Variants in DDC observed in about 807,000 individuals in gnomAD.
DDC encodes the protein aromatic-L-amino-acid decarboxylase.
A neutral mutation model predicts 60.0 loss-of-function variants in DDC; 43 were observed. The observed-to-expected ratio is 0.72, with a 90% CI of 0.56 to 0.92. The LOEUF is 0.92. Ranked by LOEUF, DDC falls within the 40% of genes least tolerant of loss-of-function variation. DDC has a pLI of 0.00. For missense variants in DDC, 573 were observed against 620.2 expected (o/e 0.92, Z 0.81); for synonymous variants, 232 against 234.6 (o/e 0.99, Z 0.10).
At chr7:50,557,483 T>C (rs567257317) in intron 1 of DDC, among the ~76,000 whole-genome samples, 5 of 152,374 alleles carry the variant, frequency 3.3e-5, no homozygotes, top group Non-Finnish European at 5.9e-5. Context: ...CCGTAGACAA[T>C]TCAAATAGTT....
At position 50,475,450 on chromosome 7, in the gene DDC, C is replaced by G. The variant is rs991183390; in HGVS notation, c.1041+1174G>C. On this transcript the variant is annotated intron_variant, in intron 11 of 14. Transcript: ENST00000444124. ...TGGTCCCAGGCAAACTTTGCCAAAACTGTCCTAGGACCAGCCTTGATGGCT... is the reference window on the plus strand; with the variant it reads ...TGGTCCCAGGCAAACTTTGCCAAAAGTGTCCTAGGACCAGCCTTGATGGCT... Among the ~76,000 whole-genome samples, 60 of 151,964 alleles carry G rather than the reference C, an allele frequency of 3.9e-4. 1 individual carries two copies. Among genetic ancestry groups the G allele is most frequent in the African/African-American group, 1.2e-4 (5 of 41,358 alleles).
chr7:50,459,880 T>G (rs1377230528), intron 14 of DDC, among the ~76,000 whole-genome samples: 5 of 110,950 alleles, frequency 4.5e-5, no homozygotes, highest in South Asian at 3.1e-4. Flanking sequence ...GGGAGGGAGG[T>G]GGGGGGGTCA....
chr7:50,483,957 T>C (rs2042826510), intron 9 of DDC, among the ~76,000 whole-genome samples: 1 of 152,124 alleles, frequency 6.6e-6, no homozygotes, highest in South Asian at 2.1e-4. Context: ...AAAATTTTAC[T>C]ATTGACATGT....
chr7:50,497,777 T>TATTAAGTACTCAACAAGTAATTATTGA (rs1161555763), intron 8 of DDC, among the ~76,000 whole-genome samples: 1 of 152,184 alleles, frequency 6.6e-6, no homozygotes, highest in Admixed American at 6.5e-5. Flanking sequence ...TCCTAGGTTG[T>TATTAAGTACTCAACAAGTAATTATTGA]ATTAAGTACT....
chr7:50,499,368 G>T, intron 7 of DDC, 126 bp from the exon 8 acceptor site: 1 of 714,040 alleles, frequency 1.4e-6, no homozygotes, highest in Non-Finnish European at 2.5e-6. Flanking sequence ...TGAACTAATG[G>T]CTGAATCCCC....
chr7:50,513,157 T>C (rs1316457781), intron 6 of DDC, among the ~76,000 whole-genome samples: 1 of 152,076 alleles, frequency 6.6e-6, no homozygotes, highest in Non-Finnish European at 1.5e-5. Flanking sequence ...GTACTGTGAG[T>C]GCCCCAGCTG....
In DDC at chr7:50,508,285, T is replaced by A. The variant is rs141279480; in HGVS notation, c.715-4226A>T. Among the ~76,000 whole-genome samples the A allele has an allele frequency of 3.3e-3, 501 of 152,344 alleles. 2 individuals carry two copies. The highest frequency in any genetic ancestry group is 0.012 in the South Asian group (56 of 4,832). On this transcript the variant is annotated intron_variant, in intron 6 of 14. Coordinates refer to ENST00000444124, the MANE Select transcript of DDC (RefSeq NM_001082971.2). ...ATTACTCCAGCTCAGCATTGCTCAA[T>A]GACGCTAACCTGATTCCAGGCGCTC...
Position 50,549,434 on chromosome 7 carries a change from C to T in DDC, c.-28-5321G>A, listed in dbSNP as rs1043292607. The stretch of plus-strand genomic sequence containing the variant: ...TTGGGAGGCCAAGGCGGGTGGATCA[C>T]GAGGTCAGGAGATCGAGACCATCCT... On this transcript the variant is annotated intron_variant, in intron 1 of 14. Coordinates refer to ENST00000444124, the MANE Select transcript of DDC (RefSeq NM_001082971.2). 5.9e-5 allele frequency among the ~76,000 whole-genome samples: 9 copies of T among 152,088 alleles called. 1 individual carries two copies. The South Asian group carries it at 1.0e-3, about 18-fold the overall frequency.
chr7:50,521,004 T>C (rs929611880), intron 6 of DDC, among the ~76,000 whole-genome samples: 5 of 151,428 alleles, frequency 3.3e-5, no homozygotes, highest in African/African-American at 9.7e-5. Context: ...ATCAATGAAA[T>C]TGGAAATAGG....
intron 9 of DDC, 143 bp downstream of exon 9, chr7:50,495,207 A>G (rs1025503127): frequency 1.4e-6 from 1 of 709,556 alleles, no homozygotes; most frequent in African/African-American, 1.7e-5. Flanking sequence ...AGAATTAGCA[A>G]TAATTCCATC....
At chr7:50,473,282 C>T (rs2042572634) in intron 11 of DDC, among the ~76,000 whole-genome samples, 1 of 152,082 alleles carries the variant, frequency 6.6e-6, no homozygotes, top group South Asian at 2.1e-4. Flanking sequence ...GCTCTGCACA[C>T]CAGGGCCCTG....
In DDC at chr7:50,490,392, C is replaced by T. The variant is rs115357168; in HGVS notation, c.944+4958G>A. The stretch of plus-strand genomic sequence containing the variant: ...GGCTTTTAAAAAGGTCTAAATCAGC[C>T]GGGCACAGTGGCCCATGCCTGTAAT... On this transcript the variant is annotated intron_variant, in intron 9 of 14. Coordinates refer to ENST00000444124, the MANE Select transcript of DDC (RefSeq NM_001082971.2). Among the ~76,000 whole-genome samples the T allele has an allele frequency of 2.2e-3, 340 of 152,226 alleles. 1 individual carries two copies. Among genetic ancestry groups the T allele is most frequent in the African/African-American group, 7.4e-3 (307 of 41,552 alleles).
At chr7:50,513,925 G>C (rs946728176) in intron 6 of DDC, among the ~76,000 whole-genome samples, 4 of 152,058 alleles carry the variant, frequency 2.6e-5, no homozygotes, top group African/African-American at 4.8e-5. Context: ...ATAATCTTGG[G>C]AGTTGTAGGG....
At chr7:50,549,832 C>T (rs934939765) in intron 1 of DDC, among the ~76,000 whole-genome samples, 25 of 152,022 alleles carry the variant, frequency 1.6e-4, no homozygotes, top group African/African-American at 5.6e-4. Flanking sequence ...TTAAATGGAG[C>T]CTGAAGATAT....
At position 50,528,237 on chromosome 7, in the gene DDC, T is replaced by G. The variant is rs1411043735; in HGVS notation, c.614A>C (p.Lys205Thr). The change falls in exon 6 of 15, where the codon AAA (lysine) becomes ACA (threonine). Residue 205 changes from lysine (K) to threonine (T), a missense_variant. Lys to Thr is a moderately conservative substitution (Grantham distance 78). Transcript: ENST00000444124. ...VERAGLIGGV[K>T]LKAIPSDGNF... Reference sequence around the variant, plus strand: ...GCCATCTGAGGGGATGGCTTTTAATTTCACTCCACCAATTAACCCAGCTCT... The same window carrying G: ...GCCATCTGAGGGGATGGCTTTTAATGTCACTCCACCAATTAACCCAGCTCT... 1 of 1,614,124 alleles carries G rather than the reference T, an allele frequency of 6.2e-7. No homozygotes were observed. Among genetic ancestry groups the G allele is most frequent in the South Asian group, 1.1e-5 (1 of 91,072 alleles).
chr7:50,514,508 C>T (rs1563018600), intron 6 of DDC, among the ~76,000 whole-genome samples: 2 of 152,138 alleles, frequency 1.3e-5, no homozygotes. Flanking sequence ...AAAAATAATT[C>T]AGAAGGTTAG....
chr7:50,548,853 G>C (rs2044890420), intron 1 of DDC, among the ~76,000 whole-genome samples: 1 of 152,198 alleles, frequency 6.6e-6, no homozygotes, highest in Non-Finnish European at 1.5e-5. Context: ...TCAATGCCCG[G>C]CTTCAAAACT....
chr7:50,532,039 T>C (rs1230038972), intron 4 of DDC, among the ~76,000 whole-genome samples: 1 of 152,214 alleles, frequency 6.6e-6, no homozygotes, highest in African/African-American at 2.4e-5. Flanking sequence ...AGACCACATT[T>C]GTCCAGCCTC....
At chr7:50,470,033 T>G (rs2042494217) in intron 12 of DDC, 40 bp downstream of exon 12, 2 of 1,246,532 alleles carry the variant, frequency 1.6e-6, no homozygotes, top group Non-Finnish European at 2.4e-6. Context: ...CCGAAAGACC[T>G]CCGCAATTTT....
Sources: gnomAD v4.1 joint callset for allele counts (sites outside exome capture counted in the v4.1 genomes callset) on GRCh38, gnomAD v4.1.1 for gene constraint, MANE v1.5 for transcripts, NCBI Gene and HGNC (gene_info 2026-07-23, HGNC 2026-07-21) for gene names.